Variants in ANXA2 observed in about 807,000 individuals in gnomAD.
The protein encoded by ANXA2 is annexin A2.
A neutral mutation model predicts 47.3 loss-of-function variants in ANXA2; 28 were observed. The observed-to-expected ratio is 0.59, with a 90% confidence interval of 0.44 to 0.81. The LOEUF is 0.81. Ranked by LOEUF, ANXA2 falls within the 40% of genes least tolerant of loss-of-function variation. The pLI is 0.00. For synonymous variants in ANXA2, 172 were observed against 155.5 expected (o/e 1.11, Z -0.79); for missense variants, 384 against 414.3 (o/e 0.93, Z 0.64).
intron 3 of ANXA2, among the ~76,000 whole-genome samples, chr15:60,375,937 G>A (rs779087437): frequency 1.3e-5 from 2 of 152,116 alleles, no homozygotes; most frequent in East Asian, 1.9e-4. Context: ...TGGGAACTGC[G>A]CAGATGTTTG....
At chr15:60,357,096 G>A (rs764923395) in intron 6 of ANXA2, 50 bp downstream of exon 6, 1 of 1,547,734 alleles carries the variant, frequency 6.5e-7, no homozygotes, top group Non-Finnish European at 8.9e-7. Context: ...CCATGATAGA[G>A]TCACATAAAT....
intron 4 of ANXA2, chr15:60,362,980 G>A (rs1285435393): frequency 2.4e-5 from 3 of 125,806 alleles, no homozygotes; most frequent in African/African-American, 6.2e-5. Context: ...GCAGTAAGCC[G>A]AATCACACCA....
intron 1 of ANXA2, 196 bp downstream of exon 1, chr15:60,397,747 C>A: frequency 1.2e-6 from 1 of 846,590 alleles, no homozygotes. Context: ...CCCCTCACCC[C>A]TGCCCCAAAC....
At chr15:60,374,915 G>A (rs1213972171) in intron 3 of ANXA2, among the ~76,000 whole-genome samples, 1 of 152,202 alleles carries the variant, frequency 6.6e-6, no homozygotes, top group Admixed American at 6.5e-5. Context: ...AGTCACAGAA[G>A]AGCTCACACT....
Position 60,354,188 on chromosome 15 carries a change from A to G in ANXA2, c.554T>C (p.Val185Ala). The G allele has an allele frequency of 6.2e-7, 1 of 1,613,924 alleles. No homozygotes were observed. The highest frequency in any genetic ancestry group is 8.5e-7 in the Non-Finnish European group (1 of 1,179,868). Residue 185 changes from valine (V) to alanine (A), a missense_variant, in exon 8 of 13, where the codon GTC (valine) becomes GCC (alanine). Transcript: ENST00000451270. ...AKGRRAEDGS[V>A]IDYELIDQDA... ...TTGGTCAATCAGTTCATAATCAATG[A>G]CAGAGCCATCCTCTGCTCTTCTACC...
At chr15:60,366,593 G>A (rs2062609982) in intron 3 of ANXA2, among the ~76,000 whole-genome samples, 1 of 149,758 alleles carries the variant, frequency 6.7e-6, no homozygotes, top group East Asian at 2.1e-4. Context: ...TGAGAAGTGA[G>A]GAGCCCCTCC....
intron 11 of ANXA2, among the ~76,000 whole-genome samples, chr15:60,350,944 C>T (rs913781692): frequency 1.3e-5 from 2 of 152,186 alleles, no homozygotes; most frequent in Non-Finnish European, 2.9e-5. Context: ...ACTACCATGT[C>T]GCATTTTCTC....
At chr15:60,390,730 G>T in intron 1 of ANXA2, 1 of 174,334 alleles carries the variant, frequency 5.7e-6, no homozygotes. Flanking sequence ...TTGAGGTTAT[G>T]TCCAAAAAAC....
intron 12 of ANXA2, among the ~76,000 whole-genome samples, chr15:60,348,515 C>T (rs988098448): frequency 1.3e-5 from 2 of 152,180 alleles, no homozygotes; most frequent in Non-Finnish European, 2.9e-5. Flanking sequence ...GAGGCCGAGG[C>T]GGGCGGATCA....
At chr15:60,368,785 C>G (rs1321159639) in intron 3 of ANXA2, among the ~76,000 whole-genome samples, 1 of 152,138 alleles carries the variant, frequency 6.6e-6, no homozygotes, top group Non-Finnish European at 1.5e-5. Flanking sequence ...CGGTGAGTGG[C>G]AGGCAGTCAT....
At chr15:60,354,416 C>T (rs1462067846) in intron 7 of ANXA2, among the ~76,000 whole-genome samples, 2 of 152,036 alleles carry the variant, frequency 1.3e-5, no homozygotes, top group South Asian at 4.1e-4. Context: ...CCAAGGCGGG[C>T]AGATCACGAG....
intron 3 of ANXA2, among the ~76,000 whole-genome samples, chr15:60,377,224 T>G (rs1203864754): frequency 6.6e-6 from 1 of 152,226 alleles, no homozygotes; most frequent in Non-Finnish European, 1.5e-5. Context: ...AGCTCATTTT[T>G]AAGTGGTTTT....
At chr15:60,385,963 A>G in intron 2 of ANXA2, 65 bp downstream of exon 2, 1 of 1,073,478 alleles carries the variant, frequency 9.3e-7, no homozygotes, top group Non-Finnish European at 1.4e-6. Context: ...GATAGAGAGT[A>G]ATATGGTTAT....
chr15:60,388,932 C>T (rs2140929906), intron 1 of ANXA2, among the ~76,000 whole-genome samples: 1 of 151,282 alleles, frequency 6.6e-6, no homozygotes, highest in South Asian at 2.1e-4. Context: ...GAGATAATGT[C>T]GCGTTACCTT....
chr15:60,373,015 A>G (rs2062730696), intron 3 of ANXA2, among the ~76,000 whole-genome samples: 1 of 152,052 alleles, frequency 6.6e-6, no homozygotes, highest in Non-Finnish European at 1.5e-5. Flanking sequence ...CAGTATCTCA[A>G]ATTCCCTCTG....
chr15:60,364,625 T>C, intron 3 of ANXA2, 102 bp from the exon 4 acceptor site: 2 of 821,516 alleles, frequency 2.4e-6, no homozygotes, highest in South Asian at 1.9e-5. Context: ...ATTTATATAC[T>C]GTTTTCCAAA....
chr15:60,357,296 C>T (rs888303484), intron 5 of ANXA2, 60 bp from the exon 6 acceptor site: 1 of 1,379,258 alleles, frequency 7.3e-7, no homozygotes, highest in Non-Finnish European at 1.0e-6. Flanking sequence ...TAGCCTACTT[C>T]TCTGATCTCC....
chr15:60,397,839 C>T, intron 1 of ANXA2, 104 bp downstream of exon 1: 5 of 1,385,300 alleles, frequency 3.6e-6, no homozygotes, highest in East Asian at 3.0e-5. Context: ...GCCTCCGGGG[C>T]CAGTTGCCGG....
intron 3 of ANXA2, among the ~76,000 whole-genome samples, chr15:60,373,885 AAGAT>A (rs925361718): frequency 1.3e-5 from 2 of 152,220 alleles, no homozygotes; most frequent in African/African-American, 2.4e-5. Flanking sequence ...GGGGCAAAGA[AAGAT>A]AGAGAACATT....
Sources: gnomAD v4.1 joint callset for allele counts (sites outside exome capture counted in the v4.1 genomes callset) on GRCh38, gnomAD v4.1.1 for gene constraint, MANE v1.5 for transcripts, NCBI Gene and HGNC (gene_info 2026-07-23, HGNC 2026-07-21) for gene names.